The following OGG1 variants were observed in gnomAD, a reference collection of about 807,000 sequenced individuals.
OGG1 encodes the protein N-glycosylase/DNA lyase.
Under a neutral mutation model 42.3 loss-of-function variants are expected in OGG1, and 35 were observed. The ratio of observed to expected loss-of-function variants is 0.83; its 90% CI spans 0.63 to 1.10. OGG1 has a LOEUF of 1.10. Among genes scored for constraint, OGG1 ranks in the 50% least tolerant of loss-of-function variants. The probability of loss-of-function intolerance (pLI) is 0.00; values close to 1 mark genes in which losing one functional copy is unlikely to be tolerated. For synonymous variants in OGG1, 189 were observed against 179.0 expected, an observed-to-expected ratio of 1.06 and a Z score of -0.44; for missense variants, 484 against 446.7, an observed-to-expected ratio of 1.08 and a Z score of -0.75.
At chr3:9,773,433 C>G (rs1011494335) in intron 2 of OGG1, among the ~76,000 whole-genome samples, 4 of 151,652 alleles carry the variant, frequency 2.6e-5, no homozygotes, top group Non-Finnish European at 5.9e-5. Flanking sequence ...CCCAGCTAAT[C>G]AGGAGGCTGA....
chr3:9,760,352 A>T (rs923166833), downstream of OGG1: 1 of 297,888 alleles, frequency 3.4e-6, no homozygotes, highest in African/African-American at 2.2e-5. Flanking sequence ...GGGGGCACAA[A>T]AGGAGGATGA....
At position 9,766,422 on chromosome 3, in the gene OGG1, A is replaced by G. The variant is rs530173003; in HGVS notation, c.*591A>G. 3.7e-4 allele frequency: 175 copies of G among 474,568 alleles called. 2 individuals are homozygous for G. The highest frequency in any genetic ancestry group is 3.5e-3 in the South Asian group (173 of 49,486). The allele number at this position is 474,568 out of a possible 1,614,324, so 29.4% of individuals were successfully genotyped here. On this transcript the variant is annotated 3_prime_UTR_variant, in exon 8 of 8. Coordinates refer to the OGG1 transcript ENST00000302008. ...CCCTTTAGAACCTTAAAGAACCATC[A>G]GCATCACCCGGGAACTTTTTTAGAA...
At chr3:9,755,567 T>G (rs1008193862) in intron 4 of OGG1, among the ~76,000 whole-genome samples, 1 of 151,296 alleles carries the variant, frequency 6.6e-6, no homozygotes, top group Non-Finnish European at 1.5e-5. Context: ...GGCTTCAAGC[T>G]ATTCTCCTGC....
chr3:9,753,449 A>G (rs1283661247), intron 3 of OGG1, among the ~76,000 whole-genome samples: 2 of 152,076 alleles, frequency 1.3e-5, no homozygotes, highest in Admixed American at 6.5e-5. Context: ...TCAGGAGATC[A>G]AGACCATCCT....
chr3:9,750,472 G>C, intron 1 of OGG1, 49 bp downstream of exon 1: 1 of 1,610,048 alleles, frequency 6.2e-7, no homozygotes, highest in Admixed American at 1.7e-5. Context: ...GGCTCCTGCC[G>C]CCTCAACACT....
At chr3:9,780,159 G>A (rs1373851245) in intron 2 of OGG1, 9 of 525,572 alleles carry the variant, frequency 1.7e-5, no homozygotes, top group Admixed American at 1.0e-4. Flanking sequence ...CTAGGCCTCA[G>A]GCTAGCCCAG....
At chr3:9,768,655 C>A (rs1183281758), downstream of OGG1, among the ~76,000 whole-genome samples, 2 of 152,186 alleles carry the variant, frequency 1.3e-5, no homozygotes, top group East Asian at 3.9e-4. Flanking sequence ...CAATATGAAG[C>A]CAGAATGGGC....
chr3:9,781,517 TC>T lies in OGG1; in HGVS notation c.301del (p.Pro101ArgfsTer18), dbSNP rs746984896. ...TTTTAAACACTGTTGTTTCAGGTGTTCCGGTGCCAGCAGAAGGCCTGCTTAC... is the reference window on the plus strand; with the variant it reads ...TTTTAAACACTGTTGTTTCAGGTGTTCGGTGCCAGCAGAAGGCCTGCTTAC... On this transcript the variant is annotated frameshift_variant, in exon 3 of 4. Coordinates refer to the OGG1 transcript ENST00000426518. LOFTEE classifies it high-confidence loss of function. 2.2e-6 allele frequency: 1 copy of T among 456,452 alleles called. No individual in the cohort carries two copies. The highest frequency in any genetic ancestry group is 4.4e-6 in the Non-Finnish European group (1 of 226,936). 28.3% of individuals were successfully genotyped at this position (456,452 alleles called of 1,614,324 possible). A position where few individuals can be genotyped will look rare whatever the true frequency, so the allele number is the denominator to read the frequency against.
chr3:9,751,830 A>G lies in OGG1; in HGVS notation c.446A>G (p.Asn149Ser), dbSNP rs752330449. The G allele has an allele frequency of 5.0e-6, 8 of 1,614,038 alleles. No homozygotes were observed. Among genetic ancestry groups the G allele is most frequent in the Middle Eastern group, 1.7e-4 (1 of 6,060 alleles). Residue 149 changes from asparagine to serine, a missense_variant, in exon 3 of 7, where the codon AAC becomes AGC. Transcript: ENST00000344629. ...ECLFSFICSSNNNIARITGMV... is the reference protein window; with the variant it reads ...ECLFSFICSSSNNIARITGMV... ...CTTTTCTCTTTTATCTGTTCCTCCA[A>G]CAACAACATCGCCCGCATCACTGGC...
chr3:9,781,613 C>G, intron 3 of OGG1: 1 of 455,672 alleles, frequency 2.2e-6, no homozygotes, highest in Non-Finnish European at 4.4e-6. Context: ...GGGTGAGACA[C>G]CAGATCAATC....
chr3:9,781,284 T>A (rs567864237), intron 2 of OGG1, among the ~76,000 whole-genome samples: 2 of 151,140 alleles, frequency 1.3e-5, no homozygotes, highest in Non-Finnish European at 3.0e-5. Flanking sequence ...GTCTCTAAAA[T>A]ATATATATAT....
intron 3 of OGG1, among the ~76,000 whole-genome samples, chr3:9,753,246 A>G (rs936137884): frequency 6.6e-6 from 1 of 151,566 alleles, no homozygotes; most frequent in Non-Finnish European, 1.5e-5. Flanking sequence ...CAGGAGGCTG[A>G]GGCGGGAGAA....
downstream of OGG1, among the ~76,000 whole-genome samples, chr3:9,771,625 C>T (rs773404048): frequency 3.9e-5 from 6 of 152,068 alleles, no homozygotes; most frequent in Admixed American, 1.3e-4. Context: ...ATCTCAGTAT[C>T]TCAGACTCCT....
rs751927878 is a variant in OGG1, at chr3:9,756,587, G to A, written c.864G>A (p.Ala288=). The part of the protein sequence containing the change: ...DYSWHPTTSQ[A]KGPSPQTNKE... ...GCTGGCACCCTACCACGTCCCAGGC[G>A]AAGGGACCGAGCCCCCAGACCAACA... The change falls in exon 5 of 7, where the codon GCG becomes GCA. Residue 288 remains alanine (A), a synonymous_variant. Coordinates refer to ENST00000344629, the MANE Select transcript of OGG1 (RefSeq NM_002542.6). 1.1e-5 allele frequency: 18 copies of A among 1,614,058 alleles called. No homozygotes were observed. In the Admixed American group the frequency reaches 1.7e-4, roughly 15 times the overall value.
chr3:9,766,765 C>A, downstream of OGG1: 1 of 395,294 alleles, frequency 2.5e-6, no homozygotes, highest in Non-Finnish European at 3.6e-6. Context: ...AAATTTCAAT[C>A]CTCAGGGATA....
At chr3:9,755,002 G>GA in intron 4 of OGG1, 117 bp downstream of exon 4, 1 of 819,334 alleles carries the variant, frequency 1.2e-6, no homozygotes, top group Non-Finnish European at 2.0e-6. Flanking sequence ...GCAGGAAGGA[G>GA]AAAGGATATA....
chr3:9,750,836 C>G (rs960832577), intron 1 of OGG1, 109 bp from the exon 2 acceptor site: 1 of 1,312,000 alleles, frequency 7.6e-7, no homozygotes, highest in Non-Finnish European at 1.1e-6. Flanking sequence ...GAAGATAGCA[C>G]TGTTACTTGT....
intron 2 of OGG1, among the ~76,000 whole-genome samples, chr3:9,779,267 G>A (rs1433757061): frequency 1.3e-5 from 2 of 152,192 alleles, no homozygotes; most frequent in African/African-American, 4.8e-5. Flanking sequence ...CAGTGACTGA[G>A]GAATGGGCAT....
intron 3 of OGG1, chr3:9,787,497 C>CGAAAAAAAAACTT: frequency 8.8e-7 from 1 of 1,130,298 alleles, no homozygotes; most frequent in African/African-American, 1.6e-5. Flanking sequence ...GAAGATAAAA[C>CGAAAAAAAAACTT]CTGTACTTCA....
Sources: allele counts gnomAD v4.1 joint callset (sites outside exome capture counted in the v4.1 genomes callset), GRCh38; gene constraint gnomAD v4.1.1; transcripts MANE v1.5; gene names NCBI Gene and HGNC (gene_info 2026-07-23, HGNC 2026-07-21).